GNAQ: variants seen among roughly 807,000 people sequenced by gnomAD.
GNAQ encodes guanine nucleotide-binding protein G(q) subunit alpha.
GNAQ carries 8 observed loss-of-function variants against 43.9 expected under a neutral mutation model. The ratio of observed to expected loss-of-function variants is 0.18; its 90% CI spans 0.11 to 0.33. The LOEUF is 0.33. Among genes scored for constraint, GNAQ ranks in the 10% least tolerant of loss-of-function variants. GNAQ has a pLI of 1.00. For missense variants in GNAQ, 158 were observed against 450.8 expected (o/e 0.35, Z 5.88); for synonymous variants, 155 against 170.7 (o/e 0.91, Z 0.71).
chr9:77,888,225 A>C (rs993466066), intron 2 of GNAQ, among the ~76,000 whole-genome samples: 2 of 152,238 alleles, frequency 1.3e-5, no homozygotes, highest in Non-Finnish European at 2.9e-5. Flanking sequence ...AAATATAAAT[A>C]AAAGCTCATT....
chr9:77,740,358 CTT>C (rs1228142529), intron 5 of GNAQ, among the ~76,000 whole-genome samples: 1 of 152,166 alleles, frequency 6.6e-6, no homozygotes, highest in Non-Finnish European at 1.5e-5. Context: ...TCTCTCTTCC[CTT>C]TGTCTACCCA....
At chr9:77,732,067 G>A (rs535935667) in intron 5 of GNAQ, among the ~76,000 whole-genome samples, 1 of 152,260 alleles carries the variant, frequency 6.6e-6, no homozygotes, top group South Asian at 2.1e-4. Flanking sequence ...TCATAAGGTA[G>A]TGGAACGTGC....
chr9:77,781,253 G>C (rs1296709032), intron 5 of GNAQ, among the ~76,000 whole-genome samples: 1 of 151,894 alleles, frequency 6.6e-6, no homozygotes, highest in Non-Finnish European at 1.5e-5. Context: ...GATCCACTTT[G>C]CGTTGATTTT....
chr9:77,902,639 T>C (rs1047914937), intron 2 of GNAQ, among the ~76,000 whole-genome samples: 25 of 152,360 alleles, frequency 1.6e-4, no homozygotes, highest in Middle Eastern at 3.4e-3. Context: ...CAAACTGTTA[T>C]TGATAATGAG....
chr9:77,812,861 T>C (rs1484928285), intron 3 of GNAQ, among the ~76,000 whole-genome samples: 2 of 151,952 alleles, frequency 1.3e-5, no homozygotes, highest in Admixed American at 1.3e-4. Context: ...AGGTGACGTA[T>C]GTCTACATAT....
chr9:77,958,679 G>A (rs1242206433), intron 1 of GNAQ, among the ~76,000 whole-genome samples: 2 of 152,054 alleles, frequency 1.3e-5, no homozygotes, highest in African/African-American at 4.8e-5. Context: ...GTCCTCTATG[G>A]TCAGCCACAA....
intron 2 of GNAQ, among the ~76,000 whole-genome samples, chr9:77,855,868 T>C (rs185840822): frequency 1.1e-3 from 173 of 152,308 alleles, no homozygotes; most frequent in African/African-American, 2.3e-3. Flanking sequence ...TATAATTTCA[T>C]TGAAAATATT....
chr9:77,753,096 A>AG (rs1308797008), intron 5 of GNAQ, among the ~76,000 whole-genome samples: 2 of 151,536 alleles, frequency 1.3e-5, no homozygotes, highest in Non-Finnish European at 2.9e-5. Context: ...CAAAAAAAAA[A>AG]AAAAAAAAAA....
chr9:77,988,341 C>T (rs980297696), intron 1 of GNAQ, among the ~76,000 whole-genome samples: 2 of 152,238 alleles, frequency 1.3e-5, no homozygotes, highest in African/African-American at 4.8e-5. Context: ...GACACCAGAA[C>T]TTCCTTCAGT....
At chr9:78,002,479 G>T (rs1039661441) in intron 1 of GNAQ, among the ~76,000 whole-genome samples, 2 of 152,086 alleles carry the variant, frequency 1.3e-5, no homozygotes, top group Admixed American at 6.6e-5. Flanking sequence ...TAACTTCAGG[G>T]CCCCTCCAGA....
intron 1 of GNAQ, among the ~76,000 whole-genome samples, chr9:78,003,676 T>C (rs2118558472): frequency 6.6e-6 from 1 of 151,760 alleles, no homozygotes; most frequent in East Asian, 1.9e-4. Context: ...ATAAACTGGG[T>C]GTGGTAATGC....
Position 77,728,670 on chromosome 9 carries a change from G to GAA in GNAQ, c.736-4_736-3insTT, listed in dbSNP as rs1179417029. 5.6e-6 allele frequency: 8 copies of GAA among 1,440,232 alleles called. No individual in the cohort carries two copies. Among genetic ancestry groups the GAA allele is most frequent in the Admixed American group, 2.5e-5 (1 of 39,294 alleles). The allele number at this position is 1,440,232 out of a possible 1,614,324, so 89.2% of individuals were successfully genotyped here. Reference sequence around the variant, plus strand: ...GCCTTGCTTTCCTCCATTCGGTTCTGGAAAAAAAAAAAAAATCAGAAAAAA... The same window carrying GAA: ...GCCTTGCTTTCCTCCATTCGGTTCTGAAGAAAAAAAAAAAAAATCAGAAAAAA... On this transcript the variant is annotated splice_polypyrimidine_tract_variant and splice_region_variant and intron_variant, in intron 5 of 6. Coordinates refer to ENST00000286548, the MANE Select transcript of GNAQ (RefSeq NM_002072.5).
intron 1 of GNAQ, among the ~76,000 whole-genome samples, chr9:78,029,336 G>C (rs1824020190): frequency 1.3e-5 from 2 of 151,156 alleles, no homozygotes; most frequent in African/African-American, 4.9e-5. Context: ...TCTAAAATAC[G>C]TGCGTTTCCC....
chr9:77,787,059 A>C (rs892006376), intron 5 of GNAQ, among the ~76,000 whole-genome samples: 7 of 152,252 alleles, frequency 4.6e-5, no homozygotes, highest in Non-Finnish European at 1.0e-4. Context: ...ATTGAGCAAA[A>C]GAATCTAGAC....
intron 5 of GNAQ, among the ~76,000 whole-genome samples, chr9:77,762,287 G>C (rs1485921923): frequency 6.8e-6 from 1 of 147,318 alleles, no homozygotes; most frequent in East Asian, 2.1e-4. Flanking sequence ...CGCCCCGTCC[G>C]GGAGGGAGGT....
chr9:77,882,463 G>T (rs1587384758), intron 2 of GNAQ, among the ~76,000 whole-genome samples: 1 of 152,308 alleles, frequency 6.6e-6, no homozygotes, highest in East Asian at 1.9e-4. Context: ...AAGATAAAAG[G>T]TTTTCAAGAA....
chr9:77,940,623 G>T (rs1167098375), intron 1 of GNAQ, among the ~76,000 whole-genome samples: 2 of 151,738 alleles, frequency 1.3e-5, no homozygotes, highest in African/African-American at 4.8e-5. Context: ...TAACACATTG[G>T]GAGAAAGTAT....
intron 1 of GNAQ, among the ~76,000 whole-genome samples, chr9:77,967,376 T>C (rs1270752106): frequency 6.6e-6 from 1 of 152,136 alleles, no homozygotes; most frequent in East Asian, 1.9e-4. Context: ...CCCCTCTTCA[T>C]CAATATTTAG....
At chr9:77,901,998 A>G (rs1343723503) in intron 2 of GNAQ, among the ~76,000 whole-genome samples, 1 of 152,194 alleles carries the variant, frequency 6.6e-6, no homozygotes, top group East Asian at 1.9e-4. Context: ...ATCACCTCCC[A>G]AAGGCCCCGC....
Sources: gnomAD v4.1 joint callset for allele counts (sites outside exome capture counted in the v4.1 genomes callset) on GRCh38, gnomAD v4.1.1 for gene constraint, MANE v1.5 for transcripts, NCBI Gene and HGNC (gene_info 2026-07-23, HGNC 2026-07-21) for gene names.